The following NRXN3 variants were observed in gnomAD, a reference collection of about 807,000 sequenced individuals.
The protein encoded by NRXN3 is neurexin 3, also known as neurexin III.
Under a neutral mutation model 137.6 loss-of-function variants are expected in NRXN3, and 32 were observed. The observed-to-expected ratio is 0.23, with a 90% CI of 0.18 to 0.31. The LOEUF (loss-of-function observed/expected upper bound fraction) is 0.31, where lower values mean the gene tolerates loss of function less well. Ranked by LOEUF, NRXN3 falls within the 10% of genes least tolerant of loss-of-function variation. NRXN3 has a pLI of 1.00. For missense variants in NRXN3, 1,574 were observed against 2,062.5 expected (o/e 0.76, Z 4.59); for synonymous variants, 798 against 784.5 (o/e 1.02, Z -0.29).
chr14:79,293,292 G>C (rs937504403), intron 15 of NRXN3, among the ~76,000 whole-genome samples: 1 of 152,172 alleles, frequency 6.6e-6, no homozygotes, highest in East Asian at 1.9e-4. Flanking sequence ...CCTGAGGAAT[G>C]ATCATGCCCC....
At chr14:79,176,979 C>A (rs560277601) in intron 15 of NRXN3, among the ~76,000 whole-genome samples, 13 of 152,024 alleles carry the variant, frequency 8.6e-5, no homozygotes, top group South Asian at 2.1e-4. Context: ...GAATGATGAA[C>A]CATTAAGTGA....
intron 4 of NRXN3, among the ~76,000 whole-genome samples, chr14:78,383,448 T>C (rs912656454): frequency 3.3e-5 from 5 of 152,156 alleles, no homozygotes; most frequent in African/African-American, 1.2e-4. Flanking sequence ...AGTGAATCAT[T>C]CTGTTGTTGG....
chr14:79,818,086 C>CTT (rs2099257857), intron 20 of NRXN3, among the ~76,000 whole-genome samples: 1 of 121,002 alleles, frequency 8.3e-6, no homozygotes, highest in South Asian at 2.9e-4. Flanking sequence ...GACGGAGTCT[C>CTT]GCTGTCACCC....
intron 2 of NRXN3, among the ~76,000 whole-genome samples, chr14:78,262,626 T>A (rs1026351025): frequency 1.4e-4 from 22 of 152,104 alleles, no homozygotes; most frequent in Non-Finnish European, 3.2e-4. Flanking sequence ...AGTCCTGCCC[T>A]CCCAGGTCCT....
intron 16 of NRXN3, among the ~76,000 whole-genome samples, chr14:79,624,380 A>G (rs772007234): frequency 2.6e-5 from 4 of 152,176 alleles, no homozygotes; most frequent in Non-Finnish European, 4.4e-5. Context: ...GACTCATGGT[A>G]TAGGTCAGCT....
At chr14:78,751,584 T>C (rs2098642589) in intron 8 of NRXN3, among the ~76,000 whole-genome samples, 1 of 152,176 alleles carries the variant, frequency 6.6e-6, no homozygotes, top group African/African-American at 2.4e-5. Flanking sequence ...GGGTGAAGCA[T>C]CTGTGAGTGT....
chr14:79,358,317 C>T (rs966828115), intron 15 of NRXN3, among the ~76,000 whole-genome samples: 1 of 151,722 alleles, frequency 6.6e-6, no homozygotes, highest in Non-Finnish European at 1.5e-5. Flanking sequence ...AATCCCAGCA[C>T]TTCGGGACTT....
At chr14:78,598,844 A>G (rs1004070412) in intron 4 of NRXN3, among the ~76,000 whole-genome samples, 24 of 152,132 alleles carry the variant, frequency 1.6e-4, no homozygotes, top group South Asian at 2.1e-4. Context: ...GTAGTCTTTA[A>G]GTGAGTTCTC....
At chr14:79,631,981 G>A (rs2098356044) in intron 16 of NRXN3, among the ~76,000 whole-genome samples, 1 of 152,174 alleles carries the variant, frequency 6.6e-6, no homozygotes, top group Admixed American at 6.5e-5. Flanking sequence ...CAGGAGGTCG[G>A]TAGGGCCAGA....
chr14:79,446,574 A>T (rs1013729018), intron 15 of NRXN3, among the ~76,000 whole-genome samples: 1 of 152,110 alleles, frequency 6.6e-6, no homozygotes, highest in African/African-American at 2.4e-5. Context: ...AATATAGCAG[A>T]AGAATTATTT....
At chr14:79,094,886 A>T (rs931562488) in intron 15 of NRXN3, among the ~76,000 whole-genome samples, 17 of 151,964 alleles carry the variant, frequency 1.1e-4, no homozygotes, top group African/African-American at 4.1e-4. Flanking sequence ...ATCGATGATT[A>T]AAAAAATGAG....
At chr14:78,367,515 A>C in intron 4 of NRXN3, among the ~76,000 whole-genome samples, 1 of 152,166 alleles carries the variant, frequency 6.6e-6, no homozygotes, top group Admixed American at 6.5e-5. Flanking sequence ...ACAACCAACC[A>C]GCATTTATTT....
At chr14:78,861,809 CAATT>C (rs1567542504) in intron 10 of NRXN3, among the ~76,000 whole-genome samples, 1 of 152,126 alleles carries the variant, frequency 6.6e-6, no homozygotes, top group Non-Finnish European at 1.5e-5. Flanking sequence ...GTTATCCACA[CAATT>C]AATCAAGTTC....
At chr14:79,766,038 G>A (rs867793870) in intron 19 of NRXN3, among the ~76,000 whole-genome samples, 6 of 152,208 alleles carry the variant, frequency 3.9e-5, no homozygotes, top group Middle Eastern at 6.8e-3. Context: ...TTAACATATA[G>A]CATACCTGTA....
chr14:78,999,295 C>T (rs2099536703), intron 15 of NRXN3, among the ~76,000 whole-genome samples: 1 of 152,098 alleles, frequency 6.6e-6, no homozygotes, highest in South Asian at 2.1e-4. Flanking sequence ...TAAAAGCTCA[C>T]TGCTGAAAAT....
chr14:78,354,371 C>T (rs1238422543), intron 4 of NRXN3, among the ~76,000 whole-genome samples: 1 of 152,198 alleles, frequency 6.6e-6, no homozygotes, highest in African/African-American at 2.4e-5. Context: ...GCCACACTTC[C>T]TTTCCCTGTG....
chr14:78,909,020 C>A (rs1206031205), intron 10 of NRXN3, among the ~76,000 whole-genome samples: 1 of 152,096 alleles, frequency 6.6e-6, no homozygotes, highest in Non-Finnish European at 1.5e-5. Context: ...GTAGCTAACA[C>A]CACAGACATC....
intron 1 of NRXN3, among the ~76,000 whole-genome samples, chr14:78,207,344 C>T (rs936205563): frequency 2.6e-5 from 4 of 152,164 alleles, no homozygotes; most frequent in Non-Finnish European, 4.4e-5. Flanking sequence ...CCTTTTCTCT[C>T]TGTGATATCT....
chr14:78,353,622 T>C (rs1300808111), intron 4 of NRXN3, among the ~76,000 whole-genome samples: 1 of 152,084 alleles, frequency 6.6e-6, no homozygotes, highest in Non-Finnish European at 1.5e-5. Context: ...AAAAACTATT[T>C]TGAAGAAAAA....
Sources: gnomAD v4.1 joint callset for allele counts (sites outside exome capture counted in the v4.1 genomes callset) on GRCh38, gnomAD v4.1.1 for gene constraint, MANE v1.5 for transcripts, NCBI Gene and HGNC (gene_info 2026-07-23, HGNC 2026-07-21) for gene names.